Variants in ARHGAP6 observed in about 807,000 individuals in gnomAD.
ARHGAP6 encodes rho GTPase-activating protein 6.
A neutral mutation model predicts 55.7 loss-of-function variants in ARHGAP6; 16 were observed. The observed-to-expected ratio is 0.29, with a 90% CI of 0.19 to 0.44. The LOEUF is 0.44. Ranked by LOEUF, ARHGAP6 falls within the 20% of genes least tolerant of loss-of-function variation. The pLI is 1.00. For missense variants in ARHGAP6, 698 were observed against 808.9 expected, an observed-to-expected ratio of 0.86 and a Z score of 1.66; for synonymous variants, 382 against 360.9, an observed-to-expected ratio of 1.06 and a Z score of -0.66.
chrX:11,208,117 G>T (rs2046735092), intron 2 of ARHGAP6, among the ~76,000 whole-genome samples: 1 of 111,393 alleles, frequency 9.0e-6, no homozygotes, highest in Non-Finnish European at 1.9e-5. Flanking sequence ...TAAGAAACAG[G>T]GATAAAAAAT....
At chrX:11,261,850 G>A (rs1028203294) in intron 1 of ARHGAP6, among the ~76,000 whole-genome samples, 1 of 111,440 alleles carries the variant, frequency 9.0e-6, no homozygotes, top group Non-Finnish European at 1.9e-5. Context: ...CTAGAAGATA[G>A]AGGCTAGGGA....
chrX:11,296,393 G>A (rs2048084211), intron 1 of ARHGAP6, among the ~76,000 whole-genome samples: 1 of 111,820 alleles, frequency 8.9e-6, no homozygotes, highest in Non-Finnish European at 1.9e-5. Context: ...AGTTTTATCA[G>A]CAAGTAAACT....
chrX:11,272,544 A>G (rs1334615929), intron 1 of ARHGAP6, among the ~76,000 whole-genome samples: 1 of 109,207 alleles, frequency 9.2e-6, no homozygotes, highest in Non-Finnish European at 1.9e-5. Context: ...CACTCTCCAT[A>G]TATTCCTTCA....
chrX:11,450,902 TCCC>T (rs1250606149), intron 1 of ARHGAP6, among the ~76,000 whole-genome samples: 4 of 110,930 alleles, frequency 3.6e-5, no homozygotes, highest in Non-Finnish European at 7.6e-5. Flanking sequence ...GGCAAAATCC[TCCC>T]CCATTTCCCC....
At chrX:11,289,942 A>G (rs113459577) in intron 1 of ARHGAP6, among the ~76,000 whole-genome samples, 6,659 of 111,999 alleles carry the variant, frequency 0.059, 248 homozygotes, top group African/African-American at 0.13. Context: ...CCGAGACTGT[A>G]CCACTTCACT....
At chrX:11,361,580 G>A (rs4326543) in intron 1 of ARHGAP6, among the ~76,000 whole-genome samples, 2 of 109,033 alleles carry the variant, frequency 1.8e-5, no homozygotes, top group Admixed American at 9.7e-5. Flanking sequence ...ATACCATTCA[G>A]GACATAGGCA....
intron 1 of ARHGAP6, among the ~76,000 whole-genome samples, chrX:11,610,209 A>G (rs1037811562): frequency 1.8e-5 from 2 of 111,163 alleles, no homozygotes. Flanking sequence ...ATACATTAAA[A>G]CTTTTTATTG....
At chrX:11,187,672 GA>G (rs1464096060) in intron 4 of ARHGAP6, among the ~76,000 whole-genome samples, 1 of 111,874 alleles carries the variant, frequency 8.9e-6, no homozygotes, top group African/African-American at 3.3e-5. Flanking sequence ...TTTTAAGTGG[GA>G]AGTGTCTGGG....
At chrX:11,392,727 A>G (rs966001449) in intron 1 of ARHGAP6, among the ~76,000 whole-genome samples, 1 of 112,111 alleles carries the variant, frequency 8.9e-6, no homozygotes, top group African/African-American at 3.2e-5. Context: ...AGAAGGAAGA[A>G]TCAAAGGCAG....
intron 1 of ARHGAP6, among the ~76,000 whole-genome samples, chrX:11,488,295 A>AT (rs1042411409): frequency 8.9e-6 from 1 of 111,775 alleles, no homozygotes; most frequent in Admixed American, 9.5e-5. Context: ...TATTTTGGTT[A>AT]TTTTTTGTAG....
intron 10 of ARHGAP6, among the ~76,000 whole-genome samples, chrX:11,153,256 G>C (rs755355339): frequency 9.1e-6 from 1 of 110,455 alleles, no homozygotes; most frequent in Non-Finnish European, 1.9e-5. Context: ...GAGTGAGTGA[G>C]TTTAAAACAC....
intron 1 of ARHGAP6, among the ~76,000 whole-genome samples, chrX:11,528,650 T>C (rs960748997): frequency 1.8e-5 from 2 of 111,935 alleles, no homozygotes; most frequent in African/African-American, 3.3e-5. Flanking sequence ...TCAAGGCTTC[T>C]AAAAAACATA....
intron 2 of ARHGAP6, among the ~76,000 whole-genome samples, chrX:11,249,277 G>A (rs1475711401): frequency 9.0e-6 from 1 of 111,287 alleles, no homozygotes; most frequent in Non-Finnish European, 1.9e-5. Context: ...AGGGAGAAAG[G>A]GTGGGAAAGG....
At chrX:11,471,660 A>T (rs1017803078) in intron 1 of ARHGAP6, among the ~76,000 whole-genome samples, 9 of 112,223 alleles carry the variant, frequency 8.0e-5, no homozygotes, top group Non-Finnish European at 1.1e-4. Context: ...AAAATATCAG[A>T]CTTGTCTAAA....
At chrX:11,343,832 T>C in intron 1 of ARHGAP6, among the ~76,000 whole-genome samples, 1 of 111,940 alleles carries the variant, frequency 8.9e-6, no homozygotes, top group East Asian at 2.8e-4. Flanking sequence ...TCTTTTCTTC[T>C]TTTTGATGGT....
chrX:11,168,206 A>G (rs1305912644), intron 9 of ARHGAP6, among the ~76,000 whole-genome samples: 1 of 112,360 alleles, frequency 8.9e-6, no homozygotes, highest in Non-Finnish European at 1.9e-5. Context: ...AAGGCTGTCC[A>G]CTTAACACCT....
intron 1 of ARHGAP6, among the ~76,000 whole-genome samples, chrX:11,588,784 G>A (rs1485545080): frequency 9.0e-6 from 1 of 111,400 alleles, no homozygotes; most frequent in Non-Finnish European, 1.9e-5. Flanking sequence ...AATGAGGGGT[G>A]GCTGCTAAAG....
chrX:11,553,243 ATTT>A (rs35101240), intron 1 of ARHGAP6, among the ~76,000 whole-genome samples: 6 of 98,352 alleles, frequency 6.1e-5, no homozygotes, highest in Non-Finnish European at 6.2e-5. Flanking sequence ...TGCTTAGAAC[ATTT>A]TTTTTTTTTT....
intron 1 of ARHGAP6, among the ~76,000 whole-genome samples, chrX:11,317,919 A>G (rs1295130085): frequency 8.9e-6 from 1 of 112,424 alleles, no homozygotes; most frequent in Non-Finnish European, 1.9e-5. Context: ...CCTTCAAAAG[A>G]GGATCAAGCC....
Sources: allele counts gnomAD v4.1 joint callset (sites outside exome capture counted in the v4.1 genomes callset), GRCh38; gene constraint gnomAD v4.1.1; transcripts MANE v1.5; gene names NCBI Gene and HGNC (gene_info 2026-07-23, HGNC 2026-07-21).